Variants in PHACTR1 observed in about 807,000 individuals in gnomAD.
The protein encoded by PHACTR1 is RPEL repeat containing 1.
PHACTR1 carries 16 observed loss-of-function variants against 69.2 expected under a neutral mutation model. That is an observed-to-expected ratio of 0.23 (90% confidence interval 0.16 to 0.35). The LOEUF (loss-of-function observed/expected upper bound fraction) is 0.35. Among genes scored for constraint, PHACTR1 ranks in the 10% least tolerant of loss-of-function variants. The pLI is 1.00. For synonymous variants in PHACTR1, 312 were observed against 284.5 expected (o/e 1.10, Z -0.97); for missense variants, 510 against 734.7 (o/e 0.69, Z 3.54).
intron 4 of PHACTR1, among the ~76,000 whole-genome samples, chr6:12,862,566 C>T (rs1413768970): frequency 6.6e-6 from 1 of 152,118 alleles, no homozygotes; most frequent in Non-Finnish European, 1.5e-5. Context: ...GAAGAATGAT[C>T]AGTGGTAAGT....
At chr6:13,065,883 T>C (rs913646935) in intron 5 of PHACTR1, among the ~76,000 whole-genome samples, 4 of 151,746 alleles carry the variant, frequency 2.6e-5, no homozygotes, top group Admixed American at 2.0e-4. Context: ...CCAAGTTGAA[T>C]AGCCTTCAGC....
At chr6:13,238,303 G>A (rs1486107866) in intron 10 of PHACTR1, among the ~76,000 whole-genome samples, 2 of 152,146 alleles carry the variant, frequency 1.3e-5, no homozygotes, top group African/African-American at 2.4e-5. Flanking sequence ...CCTTCGTAAA[G>A]GACCGAAATT....
At chr6:12,933,874 G>C (rs778424451) in intron 4 of PHACTR1, 14 of 1,612,516 alleles carry the variant, frequency 8.7e-6, no homozygotes, top group African/African-American at 8.0e-5. Context: ...TGCCTTTAGA[G>C]GGGGAAGAGT....
In PHACTR1 at chr6:13,064,559, T is replaced by C. The variant is rs1185279212; in HGVS notation, c.415+11030T>C. Among the ~76,000 whole-genome samples the C allele has an allele frequency of 2.9e-3, 4 of 1,396 alleles. 1 individual carries two copies. In the East Asian group the frequency reaches 0.053, roughly 18 times the overall value. The allele number at this position is 1,396 out of a possible 152,430, so 0.9% of individuals were successfully genotyped here. On this transcript the variant is annotated intron_variant, in intron 5 of 14. Transcript: ENST00000332995. ...GGAGAAGGGAAAAGATATATATATATATATATATATATATATATATATATA... is the reference window on the plus strand; with the variant it reads ...GGAGAAGGGAAAAGATATATATATACATATATATATATATATATATATATA...
intron 4 of PHACTR1, among the ~76,000 whole-genome samples, chr6:12,764,483 T>C (rs1768380369): frequency 6.6e-6 from 1 of 152,214 alleles, no homozygotes. Flanking sequence ...AAAATAATGA[T>C]GTTATTTATG....
chr6:12,916,575 A>T (rs1787033735), intron 4 of PHACTR1, among the ~76,000 whole-genome samples: 1 of 145,666 alleles, frequency 6.9e-6, no homozygotes, highest in Non-Finnish European at 1.5e-5. Context: ...TATCCCCAGC[A>T]CCTAGTACAG....
intron 5 of PHACTR1, among the ~76,000 whole-genome samples, chr6:13,090,616 C>A (rs1813103600): frequency 6.6e-6 from 1 of 152,222 alleles, no homozygotes; most frequent in African/African-American, 2.4e-5. Flanking sequence ...AGCCACCATG[C>A]CCGGCCTAAA....
intron 5 of PHACTR1, among the ~76,000 whole-genome samples, chr6:13,062,830 C>A (rs1431921525): frequency 6.6e-6 from 1 of 152,206 alleles, no homozygotes; most frequent in Non-Finnish European, 1.5e-5. Context: ...GCCTCTTATC[C>A]AGCATAAGAC....
chr6:13,105,103 G>A (rs374165516), intron 5 of PHACTR1, among the ~76,000 whole-genome samples: 65 of 152,264 alleles, frequency 4.3e-4, no homozygotes, highest in East Asian at 4.1e-3. Context: ...GACTGTTGGC[G>A]CAGCATGGTG....
At chr6:12,804,763 C>G (rs1350960306) in intron 4 of PHACTR1, among the ~76,000 whole-genome samples, 1 of 152,136 alleles carries the variant, frequency 6.6e-6, no homozygotes, top group Non-Finnish European at 1.5e-5. Context: ...CATACCACTG[C>G]AATCCAGCCT....
At chr6:12,949,158 T>C (rs1025104790) in intron 4 of PHACTR1, among the ~76,000 whole-genome samples, 19 of 151,156 alleles carry the variant, frequency 1.3e-4, no homozygotes, top group African/African-American at 4.4e-4. Context: ...TAATCCCAGC[T>C]ACTTGGGAGA....
chr6:12,957,300 C>A, intron 4 of PHACTR1: 2 of 852,892 alleles, frequency 2.3e-6, no homozygotes, highest in Non-Finnish European at 2.8e-6. Flanking sequence ...TTCCAGACTT[C>A]CAAGCTGCAT....
Position 13,287,357 on chromosome 6 carries a change from G to A in PHACTR1, c.*279G>A. 1 of 485,950 alleles carries A rather than the reference G, an allele frequency of 2.1e-6. No homozygotes were observed. The highest frequency in any genetic ancestry group is 3.8e-5 in the East Asian group (1 of 26,292). 30.1% of individuals were successfully genotyped at this position (485,950 alleles called of 1,614,324 possible). On this transcript the variant is annotated 3_prime_UTR_variant, in exon 15 of 15. Transcript: ENST00000332995. ...ACCAGCAGGGCCCTGACTGAAGACT[G>A]TCTGGCAGGTGGAACGGTCCTTGTC...
chr6:12,934,033 T>A (rs191974536), intron 4 of PHACTR1: 403 of 1,441,590 alleles, frequency 2.8e-4, no homozygotes, highest in Non-Finnish European at 1.0e-4. Context: ...GGTTCTGGAG[T>A]CTTGAAGTCC....
intron 4 of PHACTR1, among the ~76,000 whole-genome samples, chr6:12,947,614 C>A (rs903190725): frequency 6.6e-6 from 1 of 152,192 alleles, no homozygotes; most frequent in Non-Finnish European, 1.5e-5. Context: ...GGGTTTGCAT[C>A]CTGACTCTAG....
intron 4 of PHACTR1, among the ~76,000 whole-genome samples, chr6:12,771,182 AG>A (rs1470304554): frequency 6.6e-6 from 1 of 152,174 alleles, no homozygotes; most frequent in Non-Finnish European, 1.5e-5. Flanking sequence ...GACATGATAA[AG>A]GCTTGAGTTA....
At position 13,165,460 on chromosome 6, in the gene PHACTR1, C is replaced by T. The variant is rs556603709; in HGVS notation, c.496+5176C>T. ...ATTGGCACCAGGTGCTCCCTCCGTGCCAAGGAGTTGCCTCGGTATGGAGCT... is the reference window on the plus strand; with the variant it reads ...ATTGGCACCAGGTGCTCCCTCCGTGTCAAGGAGTTGCCTCGGTATGGAGCT... On this transcript the variant is annotated intron_variant, in intron 6 of 14. Transcript: ENST00000332995. Among the ~76,000 whole-genome samples the T allele has an allele frequency of 3.9e-5, 6 of 152,266 alleles. No individual in the cohort carries two copies. In the East Asian group the frequency reaches 9.6e-4, roughly 24 times the overall value.
At chr6:12,879,899 T>C (rs4711858) in intron 4 of PHACTR1, among the ~76,000 whole-genome samples, 31,255 of 152,194 alleles carry the variant, frequency 0.21, 3,604 homozygotes, top group Middle Eastern at 0.34. Flanking sequence ...CACTTTCCTC[T>C]ATCCTTGTAG....
At chr6:12,857,297 C>T (rs189358228) in intron 4 of PHACTR1, among the ~76,000 whole-genome samples, 325 of 152,252 alleles carry the variant, frequency 2.1e-3, no homozygotes, top group Non-Finnish European at 3.7e-3. Flanking sequence ...GACTAATATA[C>T]TTGCATGCTC....
Sources: allele counts gnomAD v4.1 joint callset (sites outside exome capture counted in the v4.1 genomes callset), GRCh38; gene constraint gnomAD v4.1.1; transcripts MANE v1.5; gene names NCBI Gene and HGNC (gene_info 2026-07-23, HGNC 2026-07-21).